CPED1: variants seen among roughly 807,000 people sequenced by gnomAD.
The protein encoded by CPED1 is cadherin like and PC-esterase domain containing 1.
Under a neutral mutation model 128.2 loss-of-function variants are expected in CPED1, and 114 were observed. The observed-to-expected ratio is 0.89, with a 90% CI of 0.76 to 1.04. The LOEUF (loss-of-function observed/expected upper bound fraction) is 1.04, where lower values mean the gene tolerates loss of function less well. Among genes scored for constraint, CPED1 ranks in the 50% least tolerant of loss-of-function variants. The probability of loss-of-function intolerance (pLI) is 0.00; values close to 1 mark genes in which losing one functional copy is unlikely to be tolerated. For synonymous variants in CPED1, 462 were observed against 426.7 expected, an observed-to-expected ratio of 1.08 and a Z score of -1.02; for missense variants, 1,211 against 1,207.1, an observed-to-expected ratio of 1.00 and a Z score of -0.05.
intron 16 of CPED1, among the ~76,000 whole-genome samples, chr7:121,181,106 GA>G (rs1265137923): frequency 6.6e-6 from 1 of 152,128 alleles, no homozygotes; most frequent in Non-Finnish European, 1.5e-5. Context: ...GAAGTGTGAT[GA>G]TTCTTAAATG....
At chr7:121,014,549 C>CAAAAAA (rs34128129) in intron 2 of CPED1, among the ~76,000 whole-genome samples, 3 of 117,154 alleles carry the variant, frequency 2.6e-5, no homozygotes, top group Admixed American at 1.8e-4. Flanking sequence ...GACTTTGTCT[C>CAAAAAA]AAAAAAAAAA....
intron 3 of CPED1, among the ~76,000 whole-genome samples, chr7:121,031,249 A>G (rs576624713): frequency 1.3e-5 from 2 of 152,338 alleles, no homozygotes; most frequent in South Asian, 4.1e-4. Context: ...TTGAGTTATA[A>G]TACAAAATTA....
At chr7:121,111,774 A>G (rs989380312) in intron 7 of CPED1, among the ~76,000 whole-genome samples, 1 of 152,218 alleles carries the variant, frequency 6.6e-6, no homozygotes, top group African/African-American at 2.4e-5. Context: ...TGAGAAGGAG[A>G]TGCGGGCTCC....
At chr7:121,153,623 G>T (rs1311513315) in intron 16 of CPED1, among the ~76,000 whole-genome samples, 2 of 152,158 alleles carry the variant, frequency 1.3e-5, no homozygotes, top group African/African-American at 4.8e-5. Context: ...AGGTCACATA[G>T]CTTGTAAGTA....
At position 121,136,082 on chromosome 7, in the gene CPED1, G is replaced by A. The variant is rs535645400; in HGVS notation, c.1691G>A (p.Cys564Tyr). 7.1e-5 allele frequency: 109 copies of A among 1,541,368 alleles called. No individual in the cohort carries two copies. The South Asian group carries it at 1.3e-3, about 18-fold the overall frequency. Residue 564 changes from cysteine to tyrosine, a missense_variant, in exon 14 of 23, where the codon TGC becomes TAC. Cys to Tyr is a radical substitution (Grantham distance 194). Coordinates refer to ENST00000310396, the MANE Select transcript of CPED1 (RefSeq NM_024913.5). ...AAAAATGAAAATAAAGAAATACATT[G>A]CAGTGATGGTGAGTTGAGATTAAAG... ...QIKNENKEIH[C>Y]SDDENTPCHI...
intron 5 of CPED1, among the ~76,000 whole-genome samples, chr7:121,096,714 ATATT>A (rs1033736926): frequency 4.6e-5 from 7 of 152,294 alleles, no homozygotes; most frequent in African/African-American, 1.7e-4. Flanking sequence ...AATCAAATGT[ATATT>A]TATTTATTTA....
At chr7:121,084,274 A>G (rs932920887) in intron 5 of CPED1, among the ~76,000 whole-genome samples, 6 of 152,244 alleles carry the variant, frequency 3.9e-5, no homozygotes, top group African/African-American at 1.2e-4. Flanking sequence ...TGAAATATCT[A>G]TAACTCGCCT....
Position 121,069,880 on chromosome 7 carries a change from C to T in CPED1, c.616+5567C>T, listed in dbSNP as rs1363093425. ...GTTCTTTTTAGTACAGCATCGCCAT[C>T]TAAAAAATCCTGGTTAAAAGTTTGC... On this transcript the variant is annotated intron_variant, in intron 5 of 22. Coordinates refer to ENST00000310396, the MANE Select transcript of CPED1 (RefSeq NM_024913.5). Among the ~76,000 whole-genome samples the T allele has an allele frequency of 3.9e-5, 6 of 152,188 alleles. No individual in the cohort carries two copies. The South Asian group carries it at 1.2e-3, about 32-fold the overall frequency.
chr7:121,192,673 T>C (rs1797170645), intron 16 of CPED1, among the ~76,000 whole-genome samples: 1 of 152,118 alleles, frequency 6.6e-6, no homozygotes. Flanking sequence ...CCAATAGTTA[T>C]TTAGAAGTCA....
At chr7:120,992,072 A>G (rs1465173869) in intron 2 of CPED1, among the ~76,000 whole-genome samples, 1 of 152,150 alleles carries the variant, frequency 6.6e-6, no homozygotes, top group Non-Finnish European at 1.5e-5. Context: ...TCCAATTTAA[A>G]TTATTAGATA....
intron 7 of CPED1, among the ~76,000 whole-genome samples, chr7:121,112,939 A>G (rs1795148661): frequency 6.6e-6 from 1 of 152,172 alleles, no homozygotes; most frequent in Admixed American, 6.5e-5. Context: ...AATTGGGGGC[A>G]AGGGAAAACA....
chr7:121,260,561 A>T (rs1312473210), intron 18 of CPED1, among the ~76,000 whole-genome samples: 1 of 151,936 alleles, frequency 6.6e-6, no homozygotes. Context: ...CATCAGTATC[A>T]CTGTAGAGCT....
In CPED1 at chr7:121,128,488, TA is replaced by T; in HGVS notation, c.1407+5del. The T allele has an allele frequency of 6.8e-7, 1 of 1,480,692 alleles. No homozygotes were observed. The highest frequency in any genetic ancestry group is 9.4e-7 in the Non-Finnish European group (1 of 1,058,626). 91.7% of individuals were successfully genotyped at this position (1,480,692 alleles called of 1,614,324 possible). On this transcript the variant is annotated splice_donor_region_variant and intron_variant, in intron 11 of 22. Transcript: ENST00000310396. ...GGAAGTCTGGGACAATTCCAACTGG[TA>T]AAGCAAAAGTGACATTTGATTCTTT...
Position 121,099,935 on chromosome 7 carries a change from G to T in CPED1, c.759G>T (p.Thr253=), listed in dbSNP as rs755414515. The T allele has an allele frequency of 2.5e-6, 4 of 1,606,942 alleles. No homozygotes were observed. Among genetic ancestry groups the T allele is most frequent in the Non-Finnish European group, 8.5e-7 (1 of 1,177,392 alleles). The change falls in exon 7 of 23, where the codon ACG becomes ACT. Residue 253 remains threonine, a synonymous_variant. Transcript: ENST00000310396. ...GDWSREQLNE[T]TVLAPHETIF... is the part of the protein sequence containing the mutation. ...TTTTTTTTTTTTTTAGGAATGAAAC[G>T]ACAGTCCTTGCTCCACATGAAACAA...
At position 121,257,001 on chromosome 7, in the gene CPED1, T is replaced by C. The variant is rs963714116; in HGVS notation, c.2311-9226T>C. ...ATAAAATACTACATTTTCTCACTTGTAAGTGAGAGCTAAACATTAAGCAGA... is the reference window on the plus strand; with the variant it reads ...ATAAAATACTACATTTTCTCACTTGCAAGTGAGAGCTAAACATTAAGCAGA... On this transcript the variant is annotated intron_variant, in intron 18 of 22. Transcript: ENST00000310396. Among the ~76,000 whole-genome samples, 5 of 151,748 alleles carry C rather than the reference T, an allele frequency of 3.3e-5. No individual in the cohort carries two copies. The East Asian group carries it at 5.8e-4, about 18-fold the overall frequency.
intron 3 of CPED1, among the ~76,000 whole-genome samples, chr7:121,023,097 C>A (rs1305629841): frequency 6.6e-6 from 1 of 151,822 alleles, no homozygotes; most frequent in East Asian, 1.9e-4. Context: ...GTTCAAAAGA[C>A]TCTGACACAG....
intron 22 of CPED1, among the ~76,000 whole-genome samples, chr7:121,285,917 C>A (rs1228094490): frequency 2.0e-5 from 3 of 152,280 alleles, no homozygotes; most frequent in African/African-American, 7.2e-5. Context: ...TTACAGCAGT[C>A]CCCACTACTA....
At chr7:121,223,929 T>C (rs1797943830) in intron 16 of CPED1, among the ~76,000 whole-genome samples, 1 of 152,110 alleles carries the variant, frequency 6.6e-6, no homozygotes, top group South Asian at 2.1e-4. Flanking sequence ...TCATTGATTT[T>C]TTTTTTGAAG....
At chr7:121,182,297 T>G (rs1265081688) in intron 16 of CPED1, among the ~76,000 whole-genome samples, 1 of 151,558 alleles carries the variant, frequency 6.6e-6, no homozygotes, top group Non-Finnish European at 1.5e-5. Flanking sequence ...GTAGACCATG[T>G]TAAGGTATTT....
Sources: gnomAD v4.1 joint callset for allele counts (sites outside exome capture counted in the v4.1 genomes callset) on GRCh38, gnomAD v4.1.1 for gene constraint, MANE v1.5 for transcripts, NCBI Gene and HGNC (gene_info 2026-07-23, HGNC 2026-07-21) for gene names.